The following SINHCAF variants were observed in gnomAD, a reference collection of about 807,000 sequenced individuals.
SINHCAF encodes the protein SIN3-HDAC complex-associated factor.
In SINHCAF, 3 loss-of-function variants were observed where a neutral mutation model predicts 25.8. That is an observed-to-expected ratio of 0.12 (90% confidence interval 0.05 to 0.30). The LOEUF (loss-of-function observed/expected upper bound fraction) is 0.30, where lower values mean the gene tolerates loss of function less well. Among genes scored for constraint, SINHCAF ranks in the 10% least tolerant of loss-of-function variants. The pLI, the probability that SINHCAF is intolerant of heterozygous loss-of-function variation, is 1.00. For synonymous variants in SINHCAF, 70 were observed against 85.5 expected (o/e 0.82, Z 1.00); for missense variants, 121 against 262.3 (o/e 0.46, Z 3.72).
At chr12:31,299,538 G>C (rs372438568) in intron 1 of SINHCAF, among the ~76,000 whole-genome samples, 1 of 152,002 alleles carries the variant, frequency 6.6e-6, no homozygotes, top group Non-Finnish European at 1.5e-5. Context: ...GGATGGTCTC[G>C]ATCTCCTGAC....
intron 5 of SINHCAF, among the ~76,000 whole-genome samples, chr12:31,285,792 A>G (rs1042574732): frequency 6.6e-6 from 1 of 152,076 alleles, no homozygotes; most frequent in Non-Finnish European, 1.5e-5. Flanking sequence ...CCTGGCCAAT[A>G]TGGCGAAACC....
intron 1 of SINHCAF, among the ~76,000 whole-genome samples, chr12:31,316,065 G>C (rs750527741): frequency 6.6e-6 from 1 of 152,046 alleles, no homozygotes; most frequent in Non-Finnish European, 1.5e-5. Context: ...AGCTACTCAG[G>C]AGGCTGAGGC....
At chr12:31,306,358 AAT>A (rs1374913512) in intron 1 of SINHCAF, among the ~76,000 whole-genome samples, 1 of 152,122 alleles carries the variant, frequency 6.6e-6, no homozygotes, top group Non-Finnish European at 1.5e-5. Context: ...AGTCTCCAAT[AAT>A]ATTGTTTATA....
chr12:31,283,643 A>G (rs953773454), intron 5 of SINHCAF, among the ~76,000 whole-genome samples: 3 of 152,098 alleles, frequency 2.0e-5, no homozygotes, highest in Non-Finnish European at 4.4e-5. Context: ...AAAGGCATCA[A>G]AAATGACAAC....
At chr12:31,303,209 A>C (rs1938877867) in intron 1 of SINHCAF, 3 of 985,476 alleles carry the variant, frequency 3.0e-6, no homozygotes, top group East Asian at 1.1e-4. Context: ...AGGCTGTGTC[A>C]ACCCATTTTT....
chr12:31,309,801 G>T (rs1939191926), intron 1 of SINHCAF, among the ~76,000 whole-genome samples: 1 of 151,904 alleles, frequency 6.6e-6, no homozygotes, highest in South Asian at 2.1e-4. Flanking sequence ...GAGTAGCTGG[G>T]ATCACAGGAA....
chr12:31,297,258 T>C lies in SINHCAF; in HGVS notation c.128+819A>G, dbSNP rs115990665. Among the ~76,000 whole-genome samples, 966 of 152,176 alleles carry C rather than the reference T, an allele frequency of 6.3e-3. 18 individuals carry two copies. The highest frequency in any genetic ancestry group is 0.022 in the African/African-American group (930 of 41,524). ...ATTTCCTCAACCTCCCAGGCTCAGG[T>C]GATCCTCTCACTTCAGCCTCCGACG... On this transcript the variant is annotated intron_variant, in intron 2 of 5. Coordinates refer to ENST00000337682, the MANE Select transcript of SINHCAF (RefSeq NM_001135812.2).
chr12:31,320,156 A>T (rs1271267318), intron 1 of SINHCAF, among the ~76,000 whole-genome samples: 5 of 152,168 alleles, frequency 3.3e-5, no homozygotes, highest in Non-Finnish European at 1.5e-5. Flanking sequence ...TTCCCTTCCA[A>T]GGTACCAACA....
At chr12:31,287,485 C>T in intron 5 of SINHCAF, 149 bp downstream of exon 5, 1 of 485,222 alleles carries the variant, frequency 2.1e-6, no homozygotes, top group Non-Finnish European at 3.5e-6. Context: ...ATACAAAAAT[C>T]CCACTTCCCT....
chr12:31,323,047 T>A (rs959919463), intron 1 of SINHCAF, among the ~76,000 whole-genome samples: 5 of 152,310 alleles, frequency 3.3e-5, no homozygotes, highest in Non-Finnish European at 7.4e-5. Context: ...GTCATCTTCC[T>A]GAGCAGCTTC....
At chr12:31,311,704 A>G in intron 1 of SINHCAF, 1 of 499,416 alleles carries the variant, frequency 2.0e-6, no homozygotes. Context: ...CATTGAGAAA[A>G]ATGGTGAATT....
intron 2 of SINHCAF, among the ~76,000 whole-genome samples, chr12:31,297,741 C>G (rs1469555919): frequency 1.3e-5 from 2 of 150,590 alleles, no homozygotes; most frequent in African/African-American, 4.9e-5. Context: ...AAAATGCTCT[C>G]AGATTACTGG....
rs1939920149 is a variant in SINHCAF at position 31,325,240 on chromosome 12, C to T, written c.-21+784G>A. 4.4e-6 allele frequency: 2 copies of T among 456,680 alleles called. No homozygotes were observed. Among genetic ancestry groups the T allele is most frequent in the Non-Finnish European group, 8.8e-6 (2 of 226,996 alleles). 28.3% of individuals were successfully genotyped at this position (456,680 alleles called of 1,614,324 possible). ...GGTGAACGCACCGGGAGCAAAACTT[C>T]GGGCTCCGAAAGCACCCCGGACACC... is the stretch of plus-strand genomic sequence containing the variant. On this transcript the variant is annotated intron_variant, in intron 1 of 5. Transcript: ENST00000337682. The surrounding 1 kb of genome is among the most constrained non-coding windows in gnomAD (Gnocchi z 5.9).
chr12:31,291,306 G>A (rs768443663), intron 4 of SINHCAF, among the ~76,000 whole-genome samples: 8 of 152,288 alleles, frequency 5.3e-5, no homozygotes, highest in Non-Finnish European at 1.2e-4. Context: ...GTTTTACAAA[G>A]CCATTTTTTA....
At chr12:31,292,909 A>T (rs1406015227) in intron 4 of SINHCAF, among the ~76,000 whole-genome samples, 1 of 152,180 alleles carries the variant, frequency 6.6e-6, no homozygotes, top group African/African-American at 2.4e-5. Flanking sequence ...TAGATTTTTT[A>T]AAAGTACTGA....
chr12:31,305,969 G>C (rs1355004238), intron 1 of SINHCAF, among the ~76,000 whole-genome samples: 1 of 152,156 alleles, frequency 6.6e-6, no homozygotes, highest in African/African-American at 2.4e-5. Context: ...CAAGTGCTGG[G>C]ATTACAGGCA....
intron 1 of SINHCAF, among the ~76,000 whole-genome samples, chr12:31,313,173 C>T (rs1263535625): frequency 1.3e-5 from 2 of 152,096 alleles, no homozygotes; most frequent in Non-Finnish European, 2.9e-5. Flanking sequence ...TACAGGTACC[C>T]GCCACCACGC....
At chr12:31,300,777 C>T (rs889285742) in intron 1 of SINHCAF, among the ~76,000 whole-genome samples, 1 of 152,088 alleles carries the variant, frequency 6.6e-6, no homozygotes, top group Non-Finnish European at 1.5e-5. Flanking sequence ...CCTCACACCA[C>T]CCTGCGCTCT....
chr12:31,317,440 C>T lies in SINHCAF; in HGVS notation c.-21+8584G>A, dbSNP rs560051776. Among the ~76,000 whole-genome samples the T allele has an allele frequency of 3.3e-5, 5 of 152,118 alleles. No homozygotes were observed. The South Asian group carries it at 6.2e-4, about 19-fold the overall frequency. ...GAAACACCACAGCACGCTGTTTCAA[C>T]CTTTAAAGCAAGTTGAACAGTAGTA... is the stretch of plus-strand genomic sequence containing the variant. On this transcript the variant is annotated intron_variant, in intron 1 of 5. Transcript: ENST00000337682.
Sources: gnomAD v4.1 joint callset for allele counts (sites outside exome capture counted in the v4.1 genomes callset) on GRCh38, gnomAD v4.1.1 for gene constraint, Gnocchi (gnomAD v3.1) non-coding constraint, MANE v1.5 for transcripts, NCBI Gene and HGNC (gene_info 2026-07-23, HGNC 2026-07-21) for gene names.